The following FBXO47 variants were observed in gnomAD, a reference collection of about 807,000 sequenced individuals.
FBXO47 encodes the protein F-box only protein 47.
Under a neutral mutation model 53.9 loss-of-function variants are expected in FBXO47, and 34 were observed. That is an observed-to-expected ratio of 0.63 (90% confidence interval 0.48 to 0.84). FBXO47 has a LOEUF of 0.84. Among genes scored for constraint, FBXO47 ranks in the 40% least tolerant of loss-of-function variants. The pLI is 0.00. For synonymous variants in FBXO47, 165 were observed against 181.6 expected, an observed-to-expected ratio of 0.91 and a Z score of 0.73; for missense variants, 485 against 541.3, an observed-to-expected ratio of 0.90 and a Z score of 1.03.
chr17:38,963,120 T>G, intron 1 of FBXO47, 69 bp from the exon 2 acceptor site: 1 of 1,040,776 alleles, frequency 9.6e-7, no homozygotes, highest in East Asian at 2.4e-5. Flanking sequence ...GATTTTTTTT[T>G]TTAAACGAAG....
At chr17:38,955,387 CAA>C (rs756125580) in intron 4 of FBXO47, among the ~76,000 whole-genome samples, 15 of 84,292 alleles carry the variant, frequency 1.8e-4, no homozygotes, top group Admixed American at 2.5e-4. Flanking sequence ...GATTCCATCT[CAA>C]AAAAAAAAAA....
chr17:38,946,399 TAA>T (rs1904844185), intron 6 of FBXO47, among the ~76,000 whole-genome samples: 1 of 76,552 alleles, frequency 1.3e-5, no homozygotes, highest in African/African-American at 5.8e-5. Flanking sequence ...TATCTATATA[TAA>T]ATATATAGAT....
chr17:38,956,221 T>C (rs1905550898), intron 4 of FBXO47, among the ~76,000 whole-genome samples: 1 of 151,690 alleles, frequency 6.6e-6, no homozygotes, highest in African/African-American at 2.4e-5. Context: ...TGGGGAGTAA[T>C]GAATTGGATG....
At position 38,962,993 on chromosome 17, in the gene FBXO47, C is replaced by G. The variant is rs140430888; in HGVS notation, c.33G>C (p.Leu11Phe). The change falls in exon 2 of 11, where the codon TTG (leucine) becomes TTC (phenylalanine). Residue 11 changes from leucine (L) to phenylalanine (F), a missense_variant. Leu to Phe is a conservative substitution (Grantham distance 22). Transcript: ENST00000378079. The part of the protein sequence containing the change: MASRINTNFT[L>F]IPNQKLRRSN... The stretch of plus-strand genomic sequence containing the variant: ...TACGTCTAAGTTTCTGGTTGGGAAT[C>G]AAAGTGAAATTTGTATTTATTCTGG... 6.2e-7 allele frequency: 1 copy of G among 1,611,534 alleles called. No individual in the cohort carries two copies. The highest frequency in any genetic ancestry group is 2.2e-5 in the East Asian group (1 of 44,842).
chr17:38,957,150 T>C (rs1350498443), intron 4 of FBXO47, 27 bp downstream of exon 4: 2 of 1,407,806 alleles, frequency 1.4e-6, no homozygotes, highest in Admixed American at 3.4e-5. Context: ...ATCAAGATTG[T>C]AAACTAATTT....
At position 38,943,005 on chromosome 17, in the gene FBXO47, C is replaced by T. The variant is rs551054825; in HGVS notation, c.941-85G>A. ...CCATTAAGTACATGCAATATTTTAT[C>T]TTTATTGGAAATACAATTAGTGCCA... is the stretch of plus-strand genomic sequence containing the variant. On this transcript the variant is annotated intron_variant, in intron 8 of 10. Transcript: ENST00000378079. 725 of 1,177,662 alleles carry T rather than the reference C, an allele frequency of 6.2e-4. 4 individuals are homozygous for T. Among genetic ancestry groups the T allele is most frequent in the South Asian group, 1.8e-3 (111 of 61,474 alleles). 73.0% of individuals were successfully genotyped at this position (1,177,662 alleles called of 1,614,324 possible). A position where few individuals can be genotyped will look rare whatever the true frequency, so the allele number is the denominator to read the frequency against.
chr17:38,941,642 A>ATATATATG (rs924192946), intron 9 of FBXO47, among the ~76,000 whole-genome samples: 17 of 144,232 alleles, frequency 1.2e-4, no homozygotes, highest in African/African-American at 3.6e-4. Context: ...ATATATATAT[A>ATATATATG]TATGTATGTG....
rs1022510888 is a variant in FBXO47, at chr17:38,941,616, A to ATTTT, written c.1083+1161_1083+1162insAAAA. Among the ~76,000 whole-genome samples the ATTTT allele has an allele frequency of 3.6e-3, 378 of 103,990 alleles. 8 individuals carry two copies. The highest frequency in any genetic ancestry group is 1.5e-3 in the Non-Finnish European group (83 of 54,154). The allele number at this position is 103,990 out of a possible 152,430, so 68.2% of individuals were successfully genotyped here. The stretch of plus-strand genomic sequence containing the variant: ...TGTTAAATGAATATTAAATAAATAT[A>ATTTT]ATATTATATATATATATATATATAT... On this transcript the variant is annotated intron_variant, in intron 9 of 10. Transcript: ENST00000378079.
chr17:38,954,169 G>A (rs545434474), intron 5 of FBXO47, among the ~76,000 whole-genome samples: 61 of 151,866 alleles, frequency 4.0e-4, no homozygotes, highest in Non-Finnish European at 6.3e-4. Flanking sequence ...GTGGTGGCGG[G>A]CACCTGTTAT....
At chr17:38,941,620 TTA>T (rs3040090) in intron 9 of FBXO47, among the ~76,000 whole-genome samples, 4,092 of 115,162 alleles carry the variant, frequency 0.036, 180 homozygotes, top group African/African-American at 0.098. Flanking sequence ...AAATATAATA[TTA>T]TATATATATA....
intron 6 of FBXO47, among the ~76,000 whole-genome samples, chr17:38,946,579 A>AATATATAACTATATAAATATATGAAT (rs1904871673): frequency 5.2e-5 from 4 of 77,400 alleles, no homozygotes; most frequent in Admixed American, 2.3e-4. Flanking sequence ...AATATATATG[A>AATATATAACTATATAAATATATGAAT]ATATATAACT....
rs760624893 is a variant in FBXO47 at position 38,944,961 on chromosome 17, A to G, written c.792T>C (p.Asp264=). The stretch of plus-strand genomic sequence containing the variant: ...CAACCCTGAAAGATGGGTGCTCACC[A>G]TCTTGAGGAGATATTGGCCCAAAGA... ...YIIFGPISPQ[D]GQVVWQEMIE... The change falls in exon 7 of 11, where the codon GAT becomes GAC. Residue 264 remains aspartate (D), a splice_region_variant and synonymous_variant. Coordinates refer to ENST00000378079, the MANE Select transcript of FBXO47 (RefSeq NM_001008777.3). The G allele has an allele frequency of 6.2e-7, 1 of 1,613,538 alleles. No homozygotes were observed. The highest frequency in any genetic ancestry group is 8.5e-7 in the Non-Finnish European group (1 of 1,179,632).
intron 2 of FBXO47, among the ~76,000 whole-genome samples, chr17:38,962,612 A>AATAATC (rs1479668358): frequency 1.3e-3 from 182 of 143,320 alleles, no homozygotes; most frequent in Admixed American, 3.0e-3. Flanking sequence ...ATCTCAAAAT[A>AATAATC]ATAATAATAA....
chr17:38,948,924 C>T (rs891768009), intron 6 of FBXO47, among the ~76,000 whole-genome samples: 2 of 151,994 alleles, frequency 1.3e-5, no homozygotes, highest in Non-Finnish European at 2.9e-5. Flanking sequence ...CCCCCATCAC[C>T]TAGATATTAA....
rs1356824037 is a variant in FBXO47 at position 38,946,416 on chromosome 17, ATATAAC to A, written c.617-1286_617-1281del. 8.5e-5 allele frequency among the ~76,000 whole-genome samples: 8 copies of A among 94,254 alleles called. 1 individual carries two copies. Among genetic ancestry groups the A allele is most frequent in the Admixed American group, 5.2e-4 (3 of 5,716 alleles). The allele number at this position is 94,254 out of a possible 152,430, so 61.8% of individuals were successfully genotyped here. A position where few individuals can be genotyped will look rare whatever the true frequency, so the allele number is the denominator to read the frequency against. On this transcript the variant is annotated intron_variant, in intron 6 of 10. Transcript: ENST00000378079. ...TCTATATATAAATATATAGATATAT[ATATAAC>A]TATATAAATATATATGAATATATAT...
In FBXO47 at chr17:38,963,396, C is replaced by T. The variant is rs184900733; in HGVS notation, c.-26-345G>A. ...TTTGCCATGTTGGCCAGGAAGGTCT[C>T]GAACTCCTGACCTCAGGTGATCTGC... is the stretch of plus-strand genomic sequence containing the variant. On this transcript the variant is annotated intron_variant, in intron 1 of 10. Transcript: ENST00000378079. Among the ~76,000 whole-genome samples, 167 of 152,234 alleles carry T rather than the reference C, an allele frequency of 1.1e-3. 1 individual carries two copies. The highest frequency in any genetic ancestry group is 6.8e-3 in the East Asian group (35 of 5,170).
At chr17:38,943,241 A>G (rs1904589326) in intron 8 of FBXO47, among the ~76,000 whole-genome samples, 1 of 152,214 alleles carries the variant, frequency 6.6e-6, no homozygotes, top group African/African-American at 2.4e-5. Context: ...ATGCAGGAAT[A>G]GGAATAATTG....
chr17:38,946,044 T>TAAATAC (rs1904760650), intron 6 of FBXO47, among the ~76,000 whole-genome samples: 5 of 111,262 alleles, frequency 4.5e-5, no homozygotes, highest in African/African-American at 2.0e-4. Flanking sequence ...TATAAATATA[T>TAAATAC]ATAAAATATA....
intron 7 of FBXO47, among the ~76,000 whole-genome samples, chr17:38,944,191 A>ATG (rs71141737): frequency 0.14 from 19,148 of 133,142 alleles, 1,562 homozygotes; most frequent in East Asian, 0.23. Flanking sequence ...CAAAAAAAAC[A>ATG]TGTGTGTGTG....
Sources: allele counts gnomAD v4.1 joint callset (sites outside exome capture counted in the v4.1 genomes callset), GRCh38; gene constraint gnomAD v4.1.1; transcripts MANE v1.5; gene names NCBI Gene and HGNC (gene_info 2026-07-23, HGNC 2026-07-21).